RPS12: variants seen among roughly 807,000 people sequenced by gnomAD.
The protein encoded by RPS12 is ribosomal protein S12, also known as small ribosomal subunit protein eS12.
A neutral mutation model predicts 17.2 loss-of-function variants in RPS12; 1 was observed. The observed-to-expected ratio is 0.06, with a 90% CI of 0.02 to 0.28. The LOEUF (loss-of-function observed/expected upper bound fraction) is 0.28. Ranked by LOEUF, RPS12 falls within the 10% of genes least tolerant of loss-of-function variation. The pLI, the probability that RPS12 is intolerant of heterozygous loss-of-function variation, is 1.00. For synonymous variants in RPS12, 67 were observed against 54.0 expected, an observed-to-expected ratio of 1.24 and a Z score of -1.06; for missense variants, 146 against 162.1, an observed-to-expected ratio of 0.90 and a Z score of 0.54.
intron 5 of RPS12, 84 bp from the exon 6 acceptor site, chr6:132,817,396 A>C: frequency 1.1e-6 from 1 of 905,394 alleles, no homozygotes; most frequent in Non-Finnish European, 1.8e-6. Flanking sequence ...TAATTGTTGA[A>C]GCTCCACTAT....
At chr6:132,815,514 G>C in intron 3 of RPS12, 1 of 413,242 alleles carries the variant, frequency 2.4e-6, no homozygotes, top group Non-Finnish European at 4.8e-6. Context: ...GAAGCATTTG[G>C]TCCTAGATGA....
At chr6:132,816,118 G>T (rs944311739) in intron 3 of RPS12, 1 of 379,956 alleles carries the variant, frequency 2.6e-6, no homozygotes, top group Non-Finnish European at 5.0e-6. Context: ...ACAGGAGTGA[G>T]CCATCGTGCC....
Position 132,815,055 on chromosome 6 carries a change from G to A in RPS12, c.98G>A (p.Arg33His). Residue 33 changes from arginine (R) to histidine (H), a missense_variant, in exon 3 of 6, where the codon CGT becomes CAT. Physicochemically the swap from Arg to His is conservative, Grantham distance 29. This residue lies in a region of RPS12 where 117 missense variants were observed against 104.6 expected (regional missense o/e 1.12). Transcript: ENST00000230050. ...GCCCTCATCCACGATGGCCTAGCAC[G>A]TGGAATTCGCGAAGCTGCCAAAGCC... ...KTALIHDGLA[R>H]GIREAAKALD... is the part of the protein sequence containing the mutation. The A allele has an allele frequency of 1.2e-6, 2 of 1,613,324 alleles. No individual in the cohort carries two copies. The highest frequency in any genetic ancestry group is 1.7e-6 in the Non-Finnish European group (2 of 1,179,326).
In RPS12 at chr6:132,814,608, C is replaced by G. The variant is rs570515359; in HGVS notation, c.-43C>G. Reference sequence around the variant, plus strand: ...CCGCCGAGTCGCGCGGAGGCGGAGGCTTGGGGTAAGTTGAGCGAGGCGGCA... The same window carrying G: ...CCGCCGAGTCGCGCGGAGGCGGAGGGTTGGGGTAAGTTGAGCGAGGCGGCA... On this transcript the variant is annotated 5_prime_UTR_variant, in exon 1 of 6. Coordinates refer to ENST00000230050, the MANE Select transcript of RPS12 (RefSeq NM_001016.4). 4.5e-6 allele frequency: 4 copies of G among 895,866 alleles called. No individual in the cohort carries two copies. The highest frequency in any genetic ancestry group is 2.4e-5 in the East Asian group (1 of 41,638). 55.5% of individuals were successfully genotyped at this position (895,866 alleles called of 1,614,324 possible). A position where few individuals can be genotyped will look rare whatever the true frequency, so the allele number is the denominator to read the frequency against.
chr6:132,816,331 A>G (rs1782061528), intron 3 of RPS12, 130 bp from the exon 4 acceptor site: 7 of 666,258 alleles, frequency 1.1e-5, no homozygotes, highest in South Asian at 8.7e-5. Flanking sequence ...TTTTGTACGC[A>G]TTTATGTGTT....
At position 132,817,027 on chromosome 6, in the gene RPS12, G is replaced by A. The variant is rs757201840; in HGVS notation, c.302G>A (p.Arg101His). ...LCKIDREGKPRKVVGCSCVVV... is the reference protein window; with the variant it reads ...LCKIDREGKPHKVVGCSCVVV... ...AAAATTGACAGAGAGGGGAAACCCC[G>A]TAAAGTGGTTGGTTGCAGTTGTGTA... The change falls in exon 5 of 6, where the codon CGT (arginine) becomes CAT (histidine). Residue 101 changes from arginine (R) to histidine (H), a missense_variant. By Grantham distance (29) the Arg-to-His change is conservative. Transcript: ENST00000230050. 5.0e-6 allele frequency: 8 copies of A among 1,611,922 alleles called. No individual in the cohort carries two copies. Among genetic ancestry groups the A allele is most frequent in the Admixed American group, 1.7e-5 (1 of 59,984 alleles).
chr6:132,815,404 C>T, intron 3 of RPS12: 1 of 552,794 alleles, frequency 1.8e-6, no homozygotes, highest in South Asian at 1.4e-5. Flanking sequence ...GCTAGTCAGT[C>T]TTATACTTAT....
chr6:132,815,259 A>ATG (rs746078163), intron 3 of RPS12, 171 bp downstream of exon 3: 197 of 747,746 alleles, frequency 2.6e-4, no homozygotes, highest in African/African-American at 1.0e-3. Flanking sequence ...CCCACTTAAA[A>ATG]TGTGTGGGTT....
intron 4 of RPS12, 25 bp from the exon 5 acceptor site, chr6:132,816,928 ATTTTTTT>A (rs34924584): frequency 1.8e-5 from 22 of 1,224,426 alleles, no homozygotes; most frequent in Non-Finnish European, 2.5e-5. Flanking sequence ...TATTAATGTG[ATTTTTTT>A]TTTTTTTAAC....
At chr6:132,817,236 T>A in intron 5 of RPS12, 175 bp downstream of exon 5, 1 of 772,574 alleles carries the variant, frequency 1.3e-6, no homozygotes, top group South Asian at 1.4e-5. Flanking sequence ...CCAATGAATC[T>A]GCTTACCTGA....
chr6:132,815,636 C>T (rs1420857809), intron 3 of RPS12: 1 of 456,714 alleles, frequency 2.2e-6, no homozygotes, highest in East Asian at 6.9e-5. Context: ...AATCAACCTA[C>T]TCTTGAGCTG....
In RPS12 at chr6:132,816,568, G is replaced by T. The variant is rs192607661; in HGVS notation, c.234+5G>T. The T allele has an allele frequency of 8.2e-6, 13 of 1,577,168 alleles. No homozygotes were observed. In the East Asian group the frequency reaches 2.9e-4, roughly 35 times the overall value. The stretch of plus-strand genomic sequence containing the variant: ...CACCAAATCAACCTAATTAAGGTAA[G>T]GCTGCTAAGGATTGTGTTGGGACTA... On this transcript the variant is annotated splice_donor_5th_base_variant and intron_variant, in intron 4 of 5. Transcript: ENST00000230050.
At chr6:132,815,148 G>A in intron 3 of RPS12, 60 bp downstream of exon 3, 1 of 1,059,832 alleles carries the variant, frequency 9.4e-7, no homozygotes, top group South Asian at 1.3e-5. Flanking sequence ...TGCCACCCAA[G>A]GGAAGAAGGC....
At chr6:132,814,815 C>A in intron 2 of RPS12, 33 bp downstream of exon 2, 1 of 1,593,770 alleles carries the variant, frequency 6.3e-7, no homozygotes, top group Non-Finnish European at 8.6e-7. Flanking sequence ...GAGTTGGGGT[C>A]GGGGTGCGGC....
At chr6:132,815,906 G>C (rs900031282) in intron 3 of RPS12, 1 of 452,062 alleles carries the variant, frequency 2.2e-6, no homozygotes, top group Non-Finnish European at 4.4e-6. Context: ...GCAGTGGCGC[G>C]ATCTCATTGC....
At chr6:132,815,419 C>T (rs147004447) in intron 3 of RPS12, 25 of 528,980 alleles carry the variant, frequency 4.7e-5, no homozygotes, top group African/African-American at 4.2e-4. Context: ...ACTTATCTGG[C>T]AGATAGATGA....
intron 4 of RPS12, 104 bp downstream of exon 4, chr6:132,816,667 A>G (rs1311318029): frequency 2.4e-6 from 2 of 837,558 alleles, no homozygotes; most frequent in Non-Finnish European, 4.1e-6. Flanking sequence ...AGGTGTAAAC[A>G]TTACGTGCAC....
rs369759484 is a variant in RPS12, at chr6:132,816,571, T to C, written c.234+8T>C. On this transcript the variant is annotated splice_region_variant and intron_variant, in intron 4 of 5. Transcript: ENST00000230050. ...CAAATCAACCTAATTAAGGTAAGGC[T>C]GCTAAGGATTGTGTTGGGACTAATG... The C allele has an allele frequency of 1.4e-5, 22 of 1,565,832 alleles. No individual in the cohort carries two copies. The highest frequency in any genetic ancestry group is 1.8e-5 in the Non-Finnish European group (21 of 1,148,634).
In RPS12 at chr6:132,815,046, G is replaced by A; in HGVS notation, c.89G>A (p.Gly30Asp). 1 of 1,613,482 alleles carries A rather than the reference G, an allele frequency of 6.2e-7. No individual in the cohort carries two copies. The highest frequency in any genetic ancestry group is 8.5e-7 in the Non-Finnish European group (1 of 1,179,492). Residue 30 changes from glycine (G) to aspartate (D), a missense_variant, in exon 3 of 6, where the codon GGC (glycine) becomes GAC (aspartate). This residue lies in a region of RPS12 where 117 missense variants were observed against 104.6 expected (regional missense o/e 1.12). Coordinates refer to ENST00000230050, the MANE Select transcript of RPS12 (RefSeq NM_001016.4). ...CTGAAGACTGCCCTCATCCACGATGGCCTAGCACGTGGAATTCGCGAAGCT... is the reference window on the plus strand; with the variant it reads ...CTGAAGACTGCCCTCATCCACGATGACCTAGCACGTGGAATTCGCGAAGCT... ...EVLKTALIHD[G>D]LARGIREAAK...
Sources: gnomAD v4.1 joint callset for allele counts on GRCh38, gnomAD v4.1.1 for gene constraint, gnomAD v4.1.1 regional missense constraint, MANE v1.5 for transcripts, NCBI Gene and HGNC (gene_info 2026-07-23, HGNC 2026-07-21) for gene names.